KIF16B: variants seen among roughly 807,000 people sequenced by gnomAD.
The protein encoded by KIF16B is kinesin family member 16B, also known as kinesin-like protein KIF16B.
In KIF16B, 98 loss-of-function variants were observed where a neutral mutation model predicts 156.3. That is an observed-to-expected ratio of 0.63 (90% CI 0.53 to 0.74). The LOEUF (loss-of-function observed/expected upper bound fraction) is 0.74. Ranked by LOEUF, KIF16B falls within the 30% of genes least tolerant of loss-of-function variation. The probability of loss-of-function intolerance (pLI) is 0.00; values close to 1 mark genes in which losing one functional copy is unlikely to be tolerated. For synonymous variants in KIF16B, 564 were observed against 583.7 expected, an observed-to-expected ratio of 0.97 and a Z score of 0.49; for missense variants, 1,421 against 1,606.5, an observed-to-expected ratio of 0.88 and a Z score of 1.97.
chr20:16,379,414 C>A lies in KIF16B; in HGVS notation c.2588G>T (p.Cys863Phe), dbSNP rs2123413641. ...EVQEEQEILE[C>F]LKCEHDKESR... ...TTCTTTGTCATGTTCACATTTTAAACACTCTAGGATCTCCTGTTCTTCTTG... is the reference window on the plus strand; with the variant it reads ...TTCTTTGTCATGTTCACATTTTAAAAACTCTAGGATCTCCTGTTCTTCTTG... Residue 863 changes from cysteine (C) to phenylalanine (F), a missense_variant, in exon 19 of 26, where the codon TGT becomes TTT. Physicochemically the swap from Cys to Phe is radical, Grantham distance 205. Coordinates refer to ENST00000354981, the MANE Select transcript of KIF16B (RefSeq NM_024704.5). 6.2e-7 allele frequency: 1 copy of A among 1,609,546 alleles called. No individual in the cohort carries two copies. The highest frequency in any genetic ancestry group is 8.5e-7 in the Non-Finnish European group (1 of 1,178,312).
chr20:16,556,824 T>C (rs1021168952), intron 1 of KIF16B, among the ~76,000 whole-genome samples: 2 of 152,126 alleles, frequency 1.3e-5, no homozygotes, highest in Non-Finnish European at 2.9e-5. Flanking sequence ...ACACAGCCAG[T>C]CCTTCCCTGA....
intron 12 of KIF16B, among the ~76,000 whole-genome samples, chr20:16,456,998 CAAT>C (rs1461731992): frequency 3.9e-5 from 6 of 152,096 alleles, no homozygotes; most frequent in African/African-American, 1.2e-4. Context: ...AAGACAAAAA[CAAT>C]GATGATAACC....
chr20:16,341,807 G>A (rs1601602380), intron 23 of KIF16B, among the ~76,000 whole-genome samples: 1 of 152,186 alleles, frequency 6.6e-6, no homozygotes, highest in African/African-American at 2.4e-5. Context: ...ATAAACCACT[G>A]GTCATGTTGT....
chr20:16,482,050 A>G (rs559686106), intron 12 of KIF16B, among the ~76,000 whole-genome samples: 1 of 152,170 alleles, frequency 6.6e-6, no homozygotes, highest in South Asian at 2.1e-4. Context: ...AGAATAACAA[A>G]GGTGACATGT....
At chr20:16,447,520 T>A (rs1438536249) in intron 12 of KIF16B, among the ~76,000 whole-genome samples, 1 of 151,826 alleles carries the variant, frequency 6.6e-6, no homozygotes, top group East Asian at 1.9e-4. Context: ...ACACCTGTAA[T>A]CCCAACATTT....
intron 24 of KIF16B, among the ~76,000 whole-genome samples, chr20:16,312,788 T>TA (rs397864737): frequency 1.3e-5 from 2 of 150,008 alleles, no homozygotes; most frequent in African/African-American, 2.5e-5. Context: ...TTTTTTTTTT[T>TA]ACTAGAATCC....
chr20:16,336,493 G>C (rs1236119777), intron 23 of KIF16B, among the ~76,000 whole-genome samples: 1 of 152,130 alleles, frequency 6.6e-6, no homozygotes, highest in Non-Finnish European at 1.5e-5. Context: ...ACAGTGACAA[G>C]AAGAGGCAGG....
chr20:16,526,200 T>TAGATACCAGAAGGA lies in KIF16B; in HGVS notation c.122_123insTCCTTCTGGTATCT (p.Glu42ProfsTer5). 1 of 1,548,996 alleles carries TAGATACCAGAAGGA rather than the reference T, an allele frequency of 6.5e-7. No individual in the cohort carries two copies. Among genetic ancestry groups the TAGATACCAGAAGGA allele is most frequent in the Non-Finnish European group, 8.8e-7 (1 of 1,134,920 alleles). The stretch of plus-strand genomic sequence containing the variant: ...TTCCTGAGTCCCCAGTGCCTCCTTC[T>TAGATACCAGAAGGA]GGTATCTAGAAAGAAATGATTAGAA... On this transcript the variant is annotated frameshift_variant, in exon 3 of 26. Coordinates refer to ENST00000354981, the MANE Select transcript of KIF16B (RefSeq NM_024704.5). LOFTEE classifies it high-confidence loss of function.
At position 16,515,609 on chromosome 20, in the gene KIF16B, G is replaced by A. The variant is rs773053359; in HGVS notation, c.287C>T (p.Ala96Val). The A allele has an allele frequency of 3.7e-6, 6 of 1,613,340 alleles. No individual in the cohort carries two copies. The Admixed American group carries it at 8.3e-5, about 22-fold the overall frequency. Residue 96 changes from alanine (A) to valine (V), a missense_variant, in exon 4 of 26, where the codon GCT (alanine) becomes GTT (valine). Physicochemically the swap from Ala to Val is moderately conservative, Grantham distance 64. Coordinates refer to ENST00000354981, the MANE Select transcript of KIF16B (RefSeq NM_024704.5). ...AGTTTGCCCATATGCAAAGACACAA[G>A]CATTATAACCTTCAAATGCAGACTT... ...VVKSAFEGYNACVFAYGQTGS... is the reference protein window; with the variant it reads ...VVKSAFEGYNVCVFAYGQTGS...
chr20:16,383,727 T>C (rs888090627), intron 17 of KIF16B, among the ~76,000 whole-genome samples: 50 of 152,346 alleles, frequency 3.3e-4, no homozygotes, highest in African/African-American at 1.2e-3. Flanking sequence ...AAAGAATCAT[T>C]GGATAAAATA....
intron 17 of KIF16B, among the ~76,000 whole-genome samples, chr20:16,391,842 A>C (rs1160625842): frequency 6.6e-6 from 1 of 152,130 alleles, no homozygotes; most frequent in Non-Finnish European, 1.5e-5. Flanking sequence ...GAGGACAGAG[A>C]TCCCCACCTG....
intron 10 of KIF16B, among the ~76,000 whole-genome samples, chr20:16,499,285 T>C (rs955464550): frequency 3.9e-5 from 6 of 152,320 alleles, no homozygotes; most frequent in Middle Eastern, 3.4e-3. Flanking sequence ...CCCAGAGCTA[T>C]GGTTTCTCAG....
intron 12 of KIF16B, among the ~76,000 whole-genome samples, chr20:16,449,204 G>A (rs1411149595): frequency 1.3e-5 from 2 of 152,114 alleles, no homozygotes; most frequent in African/African-American, 4.8e-5. Flanking sequence ...GCTGAAAAGA[G>A]GCCAGCACCT....
At chr20:16,508,224 G>A (rs1396877369) in intron 6 of KIF16B, 124 bp from the exon 7 acceptor site, 41 of 1,090,670 alleles carry the variant, frequency 3.8e-5, no homozygotes, top group Non-Finnish European at 4.5e-5. Flanking sequence ...GACCTCACTT[G>A]TCTCTCTAGG....
At chr20:16,311,982 G>C (rs935244761) in intron 25 of KIF16B, among the ~76,000 whole-genome samples, 1 of 152,178 alleles carries the variant, frequency 6.6e-6, no homozygotes, top group Non-Finnish European at 1.5e-5. Context: ...TAAATTTTCA[G>C]TTAATTAATT....
chr20:16,320,402 C>A (rs1290199781), intron 24 of KIF16B, among the ~76,000 whole-genome samples: 1 of 151,984 alleles, frequency 6.6e-6, no homozygotes. Context: ...TGCCTCTGCA[C>A]CCTCCTTCCT....
At chr20:16,293,864 T>C (rs115016527) in intron 25 of KIF16B, among the ~76,000 whole-genome samples, 2,217 of 151,890 alleles carry the variant, frequency 0.015, 66 homozygotes, top group African/African-American at 0.051. Flanking sequence ...CCTGACTCAG[T>C]GCATGGGAGG....
chr20:16,329,997 T>C (rs1209222945), intron 24 of KIF16B, among the ~76,000 whole-genome samples: 1 of 152,224 alleles, frequency 6.6e-6, no homozygotes, highest in East Asian at 1.9e-4. Flanking sequence ...ATTTAGGTTT[T>C]TTATTCATAT....
chr20:16,346,280 G>A (rs182299117), intron 23 of KIF16B, among the ~76,000 whole-genome samples: 2 of 152,338 alleles, frequency 1.3e-5, no homozygotes, highest in African/African-American at 2.4e-5. Flanking sequence ...CGATCTGCCC[G>A]TCTGTGGGTA....
Sources: gnomAD v4.1 joint callset for allele counts (sites outside exome capture counted in the v4.1 genomes callset) on GRCh38, gnomAD v4.1.1 for gene constraint, MANE v1.5 for transcripts, NCBI Gene and HGNC (gene_info 2026-07-23, HGNC 2026-07-21) for gene names.